The following COQ9 variants were observed in gnomAD, a reference collection of about 807,000 sequenced individuals.
COQ9 encodes the protein coenzyme Q9, also known as ubiquinone biosynthesis protein COQ9, mitochondrial.
Under a neutral mutation model 42.4 loss-of-function variants are expected in COQ9, and 35 were observed. The observed-to-expected ratio is 0.83, with a 90% CI of 0.63 to 1.10. The LOEUF is 1.10. Among genes scored for constraint, COQ9 ranks in the 50% least tolerant of loss-of-function variants. The pLI, the probability that COQ9 is intolerant of heterozygous loss-of-function variation, is 0.00. For synonymous variants in COQ9, 155 were observed against 155.1 expected (o/e 1.00, Z 0.00); for missense variants, 406 against 414.6 (o/e 0.98, Z 0.18).
rs1482306320 is a variant in COQ9 at position 57,461,032 on chromosome 16, G to C, written c.*408G>C. The C allele has an allele frequency of 5.3e-6, 2 of 375,574 alleles. No homozygotes were observed. Among genetic ancestry groups the C allele is most frequent in the Non-Finnish European group, 1.1e-5 (2 of 189,744 alleles). The allele number at this position is 375,574 out of a possible 1,614,324, so 23.3% of individuals were successfully genotyped here. On this transcript the variant is annotated 3_prime_UTR_variant, in exon 9 of 9. Coordinates refer to ENST00000262507, the MANE Select transcript of COQ9 (RefSeq NM_020312.4). Reference sequence around the variant, plus strand: ...GGTCTGACGCCACCTCAAGGTGACAGCTCATCTCCAGCACAGCACAGGCGT... The same window carrying C: ...GGTCTGACGCCACCTCAAGGTGACACCTCATCTCCAGCACAGCACAGGCGT...
intron 1 of COQ9, chr16:57,447,854 G>A (rs902986570): frequency 2.9e-6 from 1 of 346,966 alleles, no homozygotes; most frequent in Non-Finnish European, 5.2e-6. Context: ...AAGTCACGCA[G>A]CCTGAGCCTG....
intron 1 of COQ9, among the ~76,000 whole-genome samples, chr16:57,449,323 A>G (rs532577967): frequency 6.6e-6 from 1 of 152,092 alleles, no homozygotes; most frequent in Non-Finnish European, 1.5e-5. Flanking sequence ...ATCTTAAGGG[A>G]TGTGGCCCTG....
At position 57,456,319 on chromosome 16, in the gene COQ9, G is replaced by GCA. The variant is rs1321657870; in HGVS notation, c.379-177_379-176dup. The GCA allele has an allele frequency of 4.6e-6, 3 of 655,640 alleles. No homozygotes were observed. In the African/African-American group the frequency reaches 5.4e-5, roughly 12 times the overall value. 40.6% of individuals were successfully genotyped at this position (655,640 alleles called of 1,614,324 possible). Reference sequence around the variant, plus strand: ...TTATTCAAGCCTAGATCCCACTCTTGCACACACACCAAGGGGCTTTGCAGG... The same window carrying GCA: ...TTATTCAAGCCTAGATCCCACTCTTGCACACACACACCAAGGGGCTTTGCAGG... On this transcript the variant is annotated intron_variant, in intron 3 of 8. Coordinates refer to ENST00000262507, the MANE Select transcript of COQ9 (RefSeq NM_020312.4).
At chr16:57,447,615 G>A (rs2146581694) in intron 1 of COQ9, 37 bp downstream of exon 1, 4 of 1,238,344 alleles carry the variant, frequency 3.2e-6, no homozygotes, top group Non-Finnish European at 4.0e-6. Context: ...GGCGGGGAGC[G>A]CGGAGGGGGC....
rs1366599130 is a variant in COQ9 at position 57,451,204 on chromosome 16, C to G, written c.238C>G (p.Pro80Ala). Reference sequence around the variant, plus strand: ...TGATCCAGAGTCTTCTCATTCACCCCCCAGGTAGGCACCAATCCACCTATT... The same window carrying G: ...TGATCCAGAGTCTTCTCATTCACCCGCCAGGTAGGCACCAATCCACCTATT... The part of the protein sequence containing the change: ...KPDPESSHSP[P>A]RYTDQGGEEE... Residue 80 changes from proline to alanine, a missense_variant, in exon 2 of 9, where the codon CCC becomes GCC. Physicochemically the swap from Pro to Ala is conservative, Grantham distance 27. Transcript: ENST00000262507. 5 of 1,614,176 alleles carry G rather than the reference C, an allele frequency of 3.1e-6. No homozygotes were observed. In the African/African-American group the frequency reaches 4.0e-5, roughly 13 times the overall value.
chr16:57,450,939 A>ATCCT, intron 1 of COQ9, 101 bp from the exon 2 acceptor site: 1 of 1,259,376 alleles, frequency 7.9e-7, no homozygotes, highest in Non-Finnish European at 1.1e-6. Context: ...GTTCTACAGG[A>ATCCT]GTCTCTGGCC....
rs538969534 is a variant in COQ9, at chr16:57,460,502, G to A, written c.922-87G>A. The A allele has an allele frequency of 6.8e-5, 87 of 1,283,628 alleles. No homozygotes were observed. The African/African-American group carries it at 1.1e-3, about 16-fold the overall frequency. 79.5% of individuals were successfully genotyped at this position (1,283,628 alleles called of 1,614,324 possible). On this transcript the variant is annotated intron_variant, in intron 8 of 8. Transcript: ENST00000262507. ...TCTATGCAAAAAAGAAAAAAAAAAAGAGAAAAAGAAAAGCTAGGTCTTTTC... is the reference window on the plus strand; with the variant it reads ...TCTATGCAAAAAAGAAAAAAAAAAAAAGAAAAAGAAAAGCTAGGTCTTTTC...
Position 57,459,597 on chromosome 16 carries a change from T to C in COQ9, c.744T>C (p.Ala248=), listed in dbSNP as rs766189479. Residue 248 remains alanine, a synonymous_variant, in exon 7 of 9, where the codon GCT becomes GCC. Coordinates refer to ENST00000262507, the MANE Select transcript of COQ9 (RefSeq NM_020312.4). ...FNWYTRRAML[A]AIYNTTELVM... is the part of the protein sequence containing the mutation. The stretch of plus-strand genomic sequence containing the variant: ...GGTACACCCGCCGAGCCATGCTGGC[T>C]GCCATCTACAACACAACAGAGCTGG... 1 of 1,614,172 alleles carries C rather than the reference T, an allele frequency of 6.2e-7. No individual in the cohort carries two copies. Among genetic ancestry groups the C allele is most frequent in the South Asian group, 1.1e-5 (1 of 91,086 alleles).
At chr16:57,451,010 A>G in intron 1 of COQ9, 30 bp from the exon 2 acceptor site, 1 of 1,612,724 alleles carries the variant, frequency 6.2e-7, no homozygotes, top group Non-Finnish European at 8.5e-7. Flanking sequence ...TCTCTGTTGA[A>G]TGTCCCTGAC....
At chr16:57,456,808 C>T (rs2030414717) in intron 4 of COQ9, 123 bp from the exon 5 acceptor site, 18 of 1,310,112 alleles carry the variant, frequency 1.4e-5, no homozygotes, top group Admixed American at 5.8e-5. Context: ...CTGTCTCTGA[C>T]GGCTTTAGTC....
Position 57,450,952 on chromosome 16 carries a change from C to G in COQ9, c.74-88C>G. The stretch of plus-strand genomic sequence containing the variant: ...TGGTTCTACAGGAGTCTCTGGCCTG[C>G]TTTTCCTCCTCCTTATCTGTGTTAC... On this transcript the variant is annotated intron_variant, in intron 1 of 8. Coordinates refer to ENST00000262507, the MANE Select transcript of COQ9 (RefSeq NM_020312.4). 3 of 1,452,888 alleles carry G rather than the reference C, an allele frequency of 2.1e-6. No individual in the cohort carries two copies. The South Asian group carries it at 3.6e-5, about 17-fold the overall frequency. The allele number at this position is 1,452,888 out of a possible 1,614,324, so 90.0% of individuals were successfully genotyped here. A position where few individuals can be genotyped will look rare whatever the true frequency, so the allele number is the denominator to read the frequency against.
chr16:57,460,200 C>T (rs1567581163), intron 8 of COQ9, 96 bp downstream of exon 8: 2 of 1,248,894 alleles, frequency 1.6e-6, no homozygotes, highest in Non-Finnish European at 2.3e-6. Flanking sequence ...TAGCCCTAAC[C>T]TGGAAACAAT....
Position 57,456,697 on chromosome 16 carries a change from T to C in COQ9, c.521+51T>C, listed in dbSNP as rs773500140. Reference sequence around the variant, plus strand: ...GGGTGGCAGCTAAGGATCAGGGAACTTGGGCCCTACCAGCTATGCCCAGGA... The same window carrying C: ...GGGTGGCAGCTAAGGATCAGGGAACCTGGGCCCTACCAGCTATGCCCAGGA... On this transcript the variant is annotated intron_variant, in intron 4 of 8. Coordinates refer to ENST00000262507, the MANE Select transcript of COQ9 (RefSeq NM_020312.4). 1.9e-6 allele frequency: 3 copies of C among 1,593,960 alleles called. No homozygotes were observed. The East Asian group carries it at 6.7e-5, about 36-fold the overall frequency.
At position 57,452,937 on chromosome 16, in the gene COQ9, G is replaced by C. The variant is rs752983308; in HGVS notation, c.378+1G>C. On this transcript the variant is annotated splice_donor_variant, in intron 3 of 8. Coordinates refer to ENST00000262507, the MANE Select transcript of COQ9 (RefSeq NM_020312.4). LOFTEE classifies it high-confidence loss of function. ...AGAGGCGATTGCAGAAGGAGCCCAG[G>C]TGTGTATAGGTGAGGGTGGGGCCAC... The C allele has an allele frequency of 6.2e-7, 1 of 1,613,272 alleles. No individual in the cohort carries two copies. Among genetic ancestry groups the C allele is most frequent in the Non-Finnish European group, 8.5e-7 (1 of 1,179,930 alleles).
At position 57,447,550 on chromosome 16, in the gene COQ9, G is replaced by A; in HGVS notation, c.45G>A (p.Trp15Ter). 1 of 1,305,014 alleles carries A rather than the reference G, an allele frequency of 7.7e-7. No individual in the cohort carries two copies. The highest frequency in any genetic ancestry group is 9.8e-7 in the Non-Finnish European group (1 of 1,021,044). The allele number at this position is 1,305,014 out of a possible 1,614,324, so 80.8% of individuals were successfully genotyped here. Residue 15 changes from tryptophan (W) to a stop codon, truncating the protein, a stop_gained, in exon 1 of 9, where the codon TGG becomes TGA. Coordinates refer to ENST00000262507, the MANE Select transcript of COQ9 (RefSeq NM_020312.4). LOFTEE classifies it high-confidence loss of function. ...AVSGALGRAG[W>*]RLLQLRCLPV... ...CTGGTGCGCTTGGCCGGGCGGGCTG[G>A]AGGCTCCTGCAGCTGCGATGCCTGC...
Position 57,459,846 on chromosome 16 carries a change from T to C in COQ9, c.867+126T>C, listed in dbSNP as rs571763921. ...CTGAGGGCCTTCCCAAGGGCCTGGC[T>C]GGTTCTTCCTCAGGCCAGCCCTTCC... On this transcript the variant is annotated intron_variant, in intron 7 of 8. Coordinates refer to ENST00000262507, the MANE Select transcript of COQ9 (RefSeq NM_020312.4). The C allele has an allele frequency of 2.5e-6, 3 of 1,198,794 alleles. No homozygotes were observed. The African/African-American group carries it at 4.5e-5, about 18-fold the overall frequency. 74.3% of individuals were successfully genotyped at this position (1,198,794 alleles called of 1,614,324 possible).
Position 57,460,848 on chromosome 16 carries a change from C to T in COQ9, c.*224C>T. On this transcript the variant is annotated 3_prime_UTR_variant, in exon 9 of 9. Coordinates refer to ENST00000262507, the MANE Select transcript of COQ9 (RefSeq NM_020312.4). ...CAGTTCCTAATACCAGACCAAGCCTCCTGATGCCTTTCTGCACTGCAACTG... is the reference window on the plus strand; with the variant it reads ...CAGTTCCTAATACCAGACCAAGCCTTCTGATGCCTTTCTGCACTGCAACTG... 1.8e-6 allele frequency: 1 copy of T among 561,424 alleles called. No individual in the cohort carries two copies. The highest frequency in any genetic ancestry group is 3.1e-5 in the East Asian group (1 of 32,230). The allele number at this position is 561,424 out of a possible 1,614,324, so 34.8% of individuals were successfully genotyped here.
In COQ9 at chr16:57,459,607, A is replaced by G. The variant is rs1391774353; in HGVS notation, c.754A>G (p.Asn252Asp). Residue 252 changes from asparagine (N) to aspartate (D), a missense_variant, in exon 7 of 9, where the codon AAC (asparagine) becomes GAC (aspartate). Coordinates refer to ENST00000262507, the MANE Select transcript of COQ9 (RefSeq NM_020312.4). Reference sequence around the variant, plus strand: ...CCGAGCCATGCTGGCTGCCATCTACAACACAACAGAGCTGGTGATGATGCA... The same window carrying G: ...CCGAGCCATGCTGGCTGCCATCTACGACACAACAGAGCTGGTGATGATGCA... ...TRRAMLAAIY[N>D]TTELVMMQDS... is the part of the protein sequence containing the mutation. 1 of 1,614,134 alleles carries G rather than the reference A, an allele frequency of 6.2e-7. No homozygotes were observed. Among genetic ancestry groups the G allele is most frequent in the East Asian group, 2.2e-5 (1 of 44,876 alleles).
At chr16:57,453,018 C>T in intron 3 of COQ9, 82 bp downstream of exon 3, 1 of 1,572,858 alleles carries the variant, frequency 6.4e-7, no homozygotes, top group Non-Finnish European at 8.7e-7. Flanking sequence ...GGCCTCATGC[C>T]TTCTTCCAGT....
Sources: gnomAD v4.1 joint callset for allele counts (sites outside exome capture counted in the v4.1 genomes callset) on GRCh38, gnomAD v4.1.1 for gene constraint, MANE v1.5 for transcripts, NCBI Gene and HGNC (gene_info 2026-07-23, HGNC 2026-07-21) for gene names.